PICALM: variants seen among roughly 807,000 people sequenced by gnomAD.
The protein encoded by PICALM is phosphatidylinositol binding clathrin assembly protein.
In PICALM, 40 loss-of-function variants were observed where a neutral mutation model predicts 80.5. The ratio of observed to expected loss-of-function variants is 0.50; its 90% CI spans 0.39 to 0.65. The LOEUF is 0.65. Among genes scored for constraint, PICALM ranks in the 30% least tolerant of loss-of-function variants. The pLI, the probability that PICALM is intolerant of heterozygous loss-of-function variation, is 0.00. For missense variants in PICALM, 676 were observed against 778.9 expected (o/e 0.87, Z 1.57); for synonymous variants, 288 against 260.3 (o/e 1.11, Z -1.02).
intron 1 of PICALM, among the ~76,000 whole-genome samples, chr11:86,033,195 A>C (rs17817883): frequency 0.16 from 23,984 of 152,130 alleles, 2,441 homozygotes; most frequent in Middle Eastern, 0.23. Flanking sequence ...ATTACACTAG[A>C]CTTCAGTTTC....
At chr11:85,979,831 C>A (rs1040281105) in intron 17 of PICALM, among the ~76,000 whole-genome samples, 1 of 152,166 alleles carries the variant, frequency 6.6e-6, no homozygotes, top group African/African-American at 2.4e-5. Context: ...AGCCTACTGT[C>A]TGGAGAAAGA....
chr11:85,977,175 ACT>A (rs1163216228), intron 17 of PICALM, among the ~76,000 whole-genome samples: 3 of 152,122 alleles, frequency 2.0e-5, no homozygotes, highest in African/African-American at 7.2e-5. Context: ...GATCTTACTC[ACT>A]CTTTTCAAAA....
chr11:86,039,110 C>CAAAAA (rs11443601), intron 1 of PICALM, among the ~76,000 whole-genome samples: 1 of 144,802 alleles, frequency 6.9e-6, no homozygotes, highest in African/African-American at 2.6e-5. Context: ...GACTCTATCT[C>CAAAAA]AAAAAAAAAA....
At position 86,007,582 on chromosome 11, in the gene PICALM, T is replaced by A; in HGVS notation, c.767A>T (p.Gln256Leu). ...RISEFLKVAE[Q>L]VGIDRGDIPD... Reference sequence around the variant, plus strand: ...TATATCACCTCTGTCAATTCCAACTTGCTGTAAGAAAAGCATTGTATTTAA... The same window carrying A: ...TATATCACCTCTGTCAATTCCAACTAGCTGTAAGAAAAGCATTGTATTTAA... The change falls in exon 8 of 20, where the codon CAA becomes CTA. Residue 256 changes from glutamine to leucine, a missense_variant and splice_region_variant. Around this residue, in one of 2 missense-constraint regions of PICALM, gnomAD observed 285 missense variants for 395.4 expected, o/e 0.72. Transcript: ENST00000393346. 1 of 1,480,612 alleles carries A rather than the reference T, an allele frequency of 6.8e-7. No individual in the cohort carries two copies. 91.7% of individuals were successfully genotyped at this position (1,480,612 alleles called of 1,614,324 possible).
chr11:85,963,295 A>G (rs2093752946), intron 19 of PICALM, among the ~76,000 whole-genome samples: 1 of 152,202 alleles, frequency 6.6e-6, no homozygotes, highest in South Asian at 2.1e-4. Context: ...GGACACCAAG[A>G]CAAATCATAA....
chr11:86,011,946 G>A (rs1280788430), intron 6 of PICALM, among the ~76,000 whole-genome samples: 1 of 151,446 alleles, frequency 6.6e-6, no homozygotes, highest in Non-Finnish European at 1.5e-5. Context: ...CGCCTCCTGG[G>A]TTCAAGCAAT....
chr11:86,050,011 C>T (rs2096153179), intron 1 of PICALM, among the ~76,000 whole-genome samples: 1 of 151,464 alleles, frequency 6.6e-6, no homozygotes, highest in African/African-American at 2.4e-5. Flanking sequence ...ACCAGCCTGG[C>T]CAACATGGCA....
intron 8 of PICALM, among the ~76,000 whole-genome samples, chr11:86,005,624 G>C (rs1402063342): frequency 6.6e-6 from 1 of 152,132 alleles, no homozygotes; most frequent in Non-Finnish European, 1.5e-5. Context: ...AGGATTACTT[G>C]AGCCTGGGAG....
chr11:86,022,274 G>T, intron 4 of PICALM, 93 bp downstream of exon 4: 1 of 705,238 alleles, frequency 1.4e-6, no homozygotes, highest in Non-Finnish European at 2.4e-6. Context: ...TTTTAAAACT[G>T]GCTAAAATTT....
intron 7 of PICALM, among the ~76,000 whole-genome samples, chr11:86,008,737 A>C (rs2095327998): frequency 6.6e-6 from 1 of 152,128 alleles, no homozygotes; most frequent in Non-Finnish European, 1.5e-5. Flanking sequence ...TCTTCCAGGA[A>C]CTAAGGCGTT....
At chr11:86,049,365 ATT>A (rs2096136924) in intron 1 of PICALM, among the ~76,000 whole-genome samples, 1 of 152,164 alleles carries the variant, frequency 6.6e-6, no homozygotes, top group African/African-American at 2.4e-5. Context: ...CAGTTAACTT[ATT>A]TTATCTTTGA....
chr11:86,046,909 A>T (rs1232620682), intron 1 of PICALM, among the ~76,000 whole-genome samples: 2 of 152,196 alleles, frequency 1.3e-5, no homozygotes, highest in African/African-American at 4.8e-5. Flanking sequence ...AAGTGTTGGG[A>T]TTACAGGCAT....
chr11:86,011,225 G>T (rs1448275169), intron 6 of PICALM, 89 bp from the exon 7 acceptor site: 3 of 619,322 alleles, frequency 4.8e-6, no homozygotes, highest in Non-Finnish European at 5.7e-6. Flanking sequence ...GCTCCAAATA[G>T]GTCTCTAAAG....
At position 85,974,749 on chromosome 11, in the gene PICALM, T is replaced by A. The variant is rs2094219745; in HGVS notation, c.1903A>T (p.Met635Leu). 3 of 1,613,828 alleles carry A rather than the reference T, an allele frequency of 1.9e-6. No individual in the cohort carries two copies. Among genetic ancestry groups the A allele is most frequent in the African/African-American group, 2.7e-5 (2 of 74,916 alleles). ...GGGCCAAAGGGGTTTGGAGGTCTCA[T>A]GACAGGCTGGCTGTATATTAAGGTT... ...QPTLIYSQPVMRPPNPFGPVS... is the reference protein window; with the variant it reads ...QPTLIYSQPVLRPPNPFGPVS... The change falls in exon 19 of 20, where the codon ATG (methionine) becomes TTG (leucine). Residue 635 changes from methionine to leucine, a missense_variant. By Grantham distance (15) the Met-to-Leu change is conservative. Coordinates refer to ENST00000393346, the MANE Select transcript of PICALM (RefSeq NM_007166.4).
intron 1 of PICALM, among the ~76,000 whole-genome samples, chr11:86,065,720 A>G (rs189656369): frequency 4.3e-4 from 66 of 152,254 alleles, no homozygotes; most frequent in African/African-American, 1.5e-3. Context: ...AAGTTTGACA[A>G]CTCTTTCACA....
chr11:86,003,554 T>TC, intron 8 of PICALM, 103 bp from the exon 9 acceptor site: 2 of 593,260 alleles, frequency 3.4e-6, no homozygotes, highest in East Asian at 2.9e-5. Context: ...ACAGGTATGT[T>TC]CTTCATGTAC....
intron 19 of PICALM, among the ~76,000 whole-genome samples, chr11:85,974,190 G>A (rs2094199563): frequency 6.6e-6 from 1 of 152,172 alleles, no homozygotes; most frequent in Admixed American, 6.5e-5. Flanking sequence ...AGTTTAGCAT[G>A]ACATTTCAAG....
intron 14 of PICALM, among the ~76,000 whole-genome samples, chr11:85,983,512 A>G (rs1283778774): frequency 2.0e-5 from 3 of 152,212 alleles, no homozygotes; most frequent in Non-Finnish European, 4.4e-5. Flanking sequence ...TCATACATTA[A>G]GAGACAATAC....
intron 13 of PICALM, among the ~76,000 whole-genome samples, chr11:85,990,000 C>T (rs990367588): frequency 1.4e-5 from 1 of 73,600 alleles, no homozygotes; most frequent in African/African-American, 6.4e-5. Context: ...CGACAGAGAA[C>T]CAAACACCAA....
Sources: gnomAD v4.1 joint callset for allele counts (sites outside exome capture counted in the v4.1 genomes callset) on GRCh38, gnomAD v4.1.1 for gene constraint, gnomAD v4.1.1 regional missense constraint, MANE v1.5 for transcripts, NCBI Gene and HGNC (gene_info 2026-07-23, HGNC 2026-07-21) for gene names.